The following INTS8 variants were observed in gnomAD, a reference collection of about 807,000 sequenced individuals.
INTS8 encodes integrator complex subunit 8, also known as protein kaonashi-1.
A neutral mutation model predicts 138.9 loss-of-function variants in INTS8; 47 were observed. The observed-to-expected ratio is 0.34, with a 90% CI of 0.27 to 0.43. INTS8 has a LOEUF of 0.43. INTS8 is among the 20% of genes least tolerant of loss of function. The pLI is 1.00. For synonymous variants in INTS8, 392 were observed against 400.9 expected, an observed-to-expected ratio of 0.98 and a Z score of 0.27; for missense variants, 996 against 1,173.0, an observed-to-expected ratio of 0.85 and a Z score of 2.20.
Position 94,853,865 on chromosome 8 carries a change from G to A in INTS8, c.1702G>A (p.Asp568Asn). 1 of 1,611,870 alleles carries A rather than the reference G, an allele frequency of 6.2e-7. No homozygotes were observed. Among genetic ancestry groups the A allele is most frequent in the Middle Eastern group, 1.6e-4 (1 of 6,062 alleles). Residue 568 changes from aspartate to asparagine, a missense_variant, in exon 14 of 27, where the codon GAT becomes AAT. Physicochemically the swap from Asp to Asn is conservative, Grantham distance 23. Transcript: ENST00000523731. ...ILGIKDNLTR[D>N]LVYILMAKGL... Reference sequence around the variant, plus strand: ...GGGAATTAAAGACAATTTAACAAGAGATTTGGTTTATATTCTTATGGCCAA... The same window carrying A: ...GGGAATTAAAGACAATTTAACAAGAAATTTGGTTTATATTCTTATGGCCAA...
At chr8:94,878,967 G>A (rs567964956) in intron 26 of INTS8, among the ~76,000 whole-genome samples, 1 of 151,914 alleles carries the variant, frequency 6.6e-6, no homozygotes, top group African/African-American at 2.4e-5. Context: ...TTAGTCCTTG[G>A]GTTACTTTTC....
chr8:94,825,644 G>A (rs1327800753), intron 2 of INTS8, among the ~76,000 whole-genome samples: 1 of 151,968 alleles, frequency 6.6e-6, no homozygotes, highest in African/African-American at 2.4e-5. Context: ...TGATTTTACT[G>A]GTCATAAATC....
At chr8:94,845,467 A>G (rs1478736809) in intron 10 of INTS8, among the ~76,000 whole-genome samples, 3 of 151,556 alleles carry the variant, frequency 2.0e-5, no homozygotes, top group Admixed American at 2.0e-4. Context: ...CTTGTTTTCA[A>G]GGTTGTATTG....
chr8:94,854,662 A>G (rs78744745), intron 14 of INTS8, among the ~76,000 whole-genome samples: 2,321 of 152,292 alleles, frequency 0.015, 58 homozygotes, highest in African/African-American at 0.053. Context: ...AGCATTTGGA[A>G]GGCAGAAATG....
chr8:94,871,312 C>CA (rs777906965), intron 20 of INTS8, among the ~76,000 whole-genome samples: 168 of 138,868 alleles, frequency 1.2e-3, no homozygotes, highest in Admixed American at 1.8e-3. Context: ...ACTAAAAATA[C>CA]AAAAAAAAAA....
At position 94,881,415 on chromosome 8, in the gene INTS8, A is replaced by T; in HGVS notation, c.*1181A>T. ...ACCTTGGGAATGAAGACATCTTTGT[A>T]AACAAGTCCTGCTGTTTCTTTAACA... is the stretch of plus-strand genomic sequence containing the variant. On this transcript the variant is annotated 3_prime_UTR_variant, in exon 27 of 27. Transcript: ENST00000523731. The T allele has an allele frequency of 1.9e-6, 1 of 537,856 alleles. No individual in the cohort carries two copies. The highest frequency in any genetic ancestry group is 3.2e-6 in the Non-Finnish European group (1 of 307,980). The allele number at this position is 537,856 out of a possible 1,614,324, so 33.3% of individuals were successfully genotyped here.
At chr8:94,826,907 C>T (rs1015897991) in intron 2 of INTS8, among the ~76,000 whole-genome samples, 1 of 152,092 alleles carries the variant, frequency 6.6e-6, no homozygotes, top group African/African-American at 2.4e-5. Flanking sequence ...AGATGGAGAC[C>T]ATCCTGGCTA....
chr8:94,867,485 A>C, intron 20 of INTS8, 148 bp downstream of exon 20: 1 of 596,866 alleles, frequency 1.7e-6, no homozygotes, highest in Non-Finnish European at 2.9e-6. Flanking sequence ...TGATAATGAT[A>C]ATTATCTTCC....
Position 94,881,413 on chromosome 8 carries a change from G to A in INTS8, c.*1179G>A, listed in dbSNP as rs1816803913. On this transcript the variant is annotated 3_prime_UTR_variant, in exon 27 of 27. Coordinates refer to ENST00000523731, the MANE Select transcript of INTS8 (RefSeq NM_017864.4). ...TAACCTTGGGAATGAAGACATCTTT[G>A]TAAACAAGTCCTGCTGTTTCTTTAA... 1.9e-6 allele frequency: 1 copy of A among 536,118 alleles called. No homozygotes were observed. The highest frequency in any genetic ancestry group is 3.6e-5 in the Admixed American group (1 of 27,872). The allele number at this position is 536,118 out of a possible 1,614,324, so 33.2% of individuals were successfully genotyped here. A position where few individuals can be genotyped will look rare whatever the true frequency, so the allele number is the denominator to read the frequency against.
intron 8 of INTS8, among the ~76,000 whole-genome samples, chr8:94,839,594 G>C (rs1218045858): frequency 1.3e-5 from 2 of 152,016 alleles, no homozygotes; most frequent in African/African-American, 4.8e-5. Flanking sequence ...TAAAAGTATT[G>C]CTTTGTCCTA....
At chr8:94,876,051 T>C in intron 23 of INTS8, 23 bp from the exon 24 acceptor site, 1 of 1,505,384 alleles carries the variant, frequency 6.6e-7, no homozygotes, top group Non-Finnish European at 9.2e-7. Context: ...CATGAAACCA[T>C]TTTCAAATCT....
Position 94,861,483 on chromosome 8 carries a change from A to G in INTS8, c.2076+1851A>G, listed in dbSNP as rs570130946. ...TCACCGTGTTAGCCAGGATGGTCTCAATCTCCTGACCTCGTGATCTGCCCG... is the reference window on the plus strand; with the variant it reads ...TCACCGTGTTAGCCAGGATGGTCTCGATCTCCTGACCTCGTGATCTGCCCG... On this transcript the variant is annotated intron_variant, in intron 16 of 26. Transcript: ENST00000523731. Among the ~76,000 whole-genome samples the G allele has an allele frequency of 9.2e-5, 14 of 151,762 alleles. No individual in the cohort carries two copies. The East Asian group carries it at 9.7e-4, about 11-fold the overall frequency.
intron 22 of INTS8, 112 bp from the exon 23 acceptor site, chr8:94,874,440 C>G (rs934874050): frequency 1.0e-5 from 7 of 682,518 alleles, no homozygotes; most frequent in Non-Finnish European, 1.6e-5. Flanking sequence ...CCCATATATC[C>G]CCCGTTCCTC....
At chr8:94,867,947 C>T (rs1816243326) in intron 20 of INTS8, 1 of 152,140 alleles carries the variant, frequency 6.6e-6, no homozygotes, top group Non-Finnish European at 1.5e-5. Flanking sequence ...ATCAGGTTTC[C>T]AGCATCTTAT....
At chr8:94,872,329 G>C (rs1816427406) in intron 21 of INTS8, among the ~76,000 whole-genome samples, 1 of 152,088 alleles carries the variant, frequency 6.6e-6, no homozygotes, top group Non-Finnish European at 1.5e-5. Context: ...CGCCTCCCGG[G>C]TTCAAGCGAT....
At chr8:94,849,050 T>A (rs765968338) in intron 10 of INTS8, among the ~76,000 whole-genome samples, 17 of 152,142 alleles carry the variant, frequency 1.1e-4, no homozygotes, top group African/African-American at 3.6e-4. Context: ...CCATTAGTTC[T>A]ATATTCATGA....
chr8:94,881,699 GACA>G lies in INTS8; in HGVS notation c.*1468_*1470del. On this transcript the variant is annotated 3_prime_UTR_variant, in exon 27 of 27. Transcript: ENST00000523731. ...CATAATGCCTCCATTGCACACTGGT[GACA>G]ACTGTCCCCCTTTTCTGAAGGTGTT... is the stretch of plus-strand genomic sequence containing the variant. The G allele has an allele frequency of 6.2e-7, 1 of 1,613,760 alleles. No individual in the cohort carries two copies. Among genetic ancestry groups the G allele is most frequent in the Non-Finnish European group, 8.5e-7 (1 of 1,179,802 alleles).
intron 20 of INTS8, chr8:94,868,604 A>G (rs185993078): frequency 3.3e-5 from 5 of 152,308 alleles, no homozygotes; most frequent in Non-Finnish European, 5.9e-5. Flanking sequence ...ATTTTTATAT[A>G]AAATCTGTTG....
At chr8:94,863,180 A>G (rs1275971619) in intron 16 of INTS8, among the ~76,000 whole-genome samples, 1 of 152,200 alleles carries the variant, frequency 6.6e-6, no homozygotes, top group Non-Finnish European at 1.5e-5. Flanking sequence ...TGGCAGCCAC[A>G]GTGGTGCTAG....
Sources: gnomAD v4.1 joint callset for allele counts (sites outside exome capture counted in the v4.1 genomes callset) on GRCh38, gnomAD v4.1.1 for gene constraint, MANE v1.5 for transcripts, NCBI Gene and HGNC (gene_info 2026-07-23, HGNC 2026-07-21) for gene names.